SLC45A1: variants seen among roughly 807,000 people sequenced by gnomAD.
SLC45A1 encodes the protein solute carrier family 45 member 1, also known as proton-associated sugar transporter A.
Under a neutral mutation model 57.6 loss-of-function variants are expected in SLC45A1, and 28 were observed. The observed-to-expected ratio is 0.49, with a 90% CI of 0.36 to 0.67. The LOEUF (loss-of-function observed/expected upper bound fraction) is 0.67, where lower values mean the gene tolerates loss of function less well. Among genes scored for constraint, SLC45A1 ranks in the 30% least tolerant of loss-of-function variants. The probability of loss-of-function intolerance (pLI) is 0.00; values close to 1 mark genes in which losing one functional copy is unlikely to be tolerated. For synonymous variants in SLC45A1, 459 were observed against 471.5 expected (o/e 0.97, Z 0.34); for missense variants, 814 against 1,041.5 (o/e 0.78, Z 3.01).
In SLC45A1 at chr1:8,339,590, C is replaced by G. The variant is rs1640742217; in HGVS notation, c.1872C>G (p.Ser624=). 2 of 1,614,260 alleles carry G rather than the reference C, an allele frequency of 1.2e-6. No homozygotes were observed. The highest frequency in any genetic ancestry group is 8.5e-7 in the Non-Finnish European group (1 of 1,180,044). The change falls in exon 8 of 9, where the codon TCC becomes TCG. Residue 624 remains serine, a synonymous_variant. Coordinates refer to ENST00000471889, the MANE Select transcript of SLC45A1 (RefSeq NM_001080397.3). The part of the protein sequence containing the change: ...FGLGTGLATL[S]RNLYVVLSLC... ...TGGGGACCGGGCTTGCCACCCTCTC[C>G]AGGAACCTCTACGTGGTCCTGTCGC...
chr1:8,318,238 C>T (rs1016012878), intron 1 of SLC45A1, 52 bp downstream of exon 1: 6 of 413,120 alleles, frequency 1.5e-5, no homozygotes, highest in African/African-American at 1.0e-4. Flanking sequence ...CCGTGCCTGC[C>T]GGGGCGCCGC....
At chr1:8,339,860 C>T (rs780306447) in intron 8 of SLC45A1, among the ~76,000 whole-genome samples, 162 bp downstream of exon 8, 11 of 152,314 alleles carry the variant, frequency 7.2e-5, no homozygotes, top group East Asian at 1.9e-4. Context: ...GAGTCTGGGG[C>T]GTGCCCCCTG....
At chr1:8,322,533 A>G (rs149834301) in intron 1 of SLC45A1, among the ~76,000 whole-genome samples, 2,313 of 151,970 alleles carry the variant, frequency 0.015, 38 homozygotes, top group South Asian at 0.05. Context: ...AAGAAAGACA[A>G]TCTCTGAGTG....
At chr1:8,331,305 A>G (rs1323787659) in intron 5 of SLC45A1, among the ~76,000 whole-genome samples, 1 of 139,270 alleles carries the variant, frequency 7.2e-6, no homozygotes, top group Admixed American at 7.5e-5. Context: ...CTTTTAAAAA[A>G]TATTTTTAAA....
intron 8 of SLC45A1, among the ~76,000 whole-genome samples, chr1:8,340,017 G>T (rs529643526): frequency 6.6e-6 from 1 of 152,320 alleles, no homozygotes; most frequent in South Asian, 2.1e-4. Context: ...GTTGATGCCT[G>T]TCCCAGCCAT....
At chr1:8,336,292 C>G (rs1359292680) in intron 6 of SLC45A1, among the ~76,000 whole-genome samples, 1 of 152,012 alleles carries the variant, frequency 6.6e-6, no homozygotes, top group Non-Finnish European at 1.5e-5. Flanking sequence ...TGCCTGTAAT[C>G]CCAGCTACTT....
rs983217749 is a variant in SLC45A1, at chr1:8,325,879, C to T, written c.552C>T (p.Asp184=). 15 of 1,613,902 alleles carry T rather than the reference C, an allele frequency of 9.3e-6. No individual in the cohort carries two copies. The highest frequency in any genetic ancestry group is 6.7e-5 in the African/African-American group (5 of 74,938). Residue 184 remains aspartate, a synonymous_variant, in exon 4 of 9, where the codon GAC becomes GAT. Transcript: ENST00000471889. The surrounding 1 kb of genome is among the most constrained non-coding windows in gnomAD (Gnocchi z 6.3). Reference sequence around the variant, plus strand: ...GGGACATTGGCATCGCCCTGGCTGACGTGACCGGGAACCACAAGTGGGGCC... The same window carrying T: ...GGGACATTGGCATCGCCCTGGCTGATGTGACCGGGAACCACAAGTGGGGCC... ...NGRDIGIALA[D]VTGNHKWGLL...
Position 8,339,628 on chromosome 1 carries a change from A to G in SLC45A1, c.1910A>G (p.Tyr637Cys). The change falls in exon 8 of 9, where the codon TAC becomes TGC. Residue 637 changes from tyrosine (Y) to cysteine (C), a missense_variant. Tyr to Cys is a radical substitution (Grantham distance 194, BLOSUM62 -2). Coordinates refer to ENST00000471889, the MANE Select transcript of SLC45A1 (RefSeq NM_001080397.3). ...GTGGTCCTGTCGCTCTGCATAACCT[A>G]CGGGATTTTATTTTCCACCCTGTGC... ...LYVVLSLCIT[Y>C]GILFSTLCTL... The G allele has an allele frequency of 6.2e-7, 1 of 1,614,014 alleles. No homozygotes were observed. Among genetic ancestry groups the G allele is most frequent in the Middle Eastern group, 1.6e-4 (1 of 6,062 alleles).
rs1640204270 is a variant in SLC45A1 at position 8,326,368 on chromosome 1, T to C, written c.715+326T>C. 6.6e-6 allele frequency among the ~76,000 whole-genome samples: 1 copy of C among 152,158 alleles called. No homozygotes were observed. Among genetic ancestry groups the C allele is most frequent in the Non-Finnish European group, 1.5e-5 (1 of 68,028 alleles). On this transcript the variant is annotated intron_variant, in intron 4 of 8. Coordinates refer to ENST00000471889, the MANE Select transcript of SLC45A1 (RefSeq NM_001080397.3). This position sits in a 1 kb window ranked among gnomAD's most constrained non-coding sequence, Gnocchi z 5.5. ...CACCGCATCTCGCTCCTAGGAAAAA[T>C]ACAGGGTTAGGTTCCTGTGAGCCTC...
Position 8,337,878 on chromosome 1 carries a change from C to A in SLC45A1, c.1660C>A (p.Gln554Lys). The A allele has an allele frequency of 6.2e-7, 1 of 1,614,230 alleles. No homozygotes were observed. The highest frequency in any genetic ancestry group is 8.5e-7 in the Non-Finnish European group (1 of 1,180,044). ...AGACTTCATGGGCGAGGTGGTGTTT[C>A]AGGGGGACCCCAAGGCCCCGCACAC... Reference protein sequence around the residue: ...YTDFMGEVVFQGDPKAPHTSE... With the variant: ...YTDFMGEVVFKGDPKAPHTSE... Residue 554 changes from glutamine to lysine, a missense_variant, in exon 7 of 9, where the codon CAG becomes AAG. By Grantham distance (53) the Gln-to-Lys change is moderately conservative. Transcript: ENST00000471889.
In SLC45A1 at chr1:8,324,504, T is replaced by TGCCCCCC; in HGVS notation, c.175_176insGCCCCCC (p.Ser59CysfsTer15). On this transcript the variant is annotated frameshift_variant, in exon 2 of 9. Coordinates refer to ENST00000471889, the MANE Select transcript of SLC45A1 (RefSeq NM_001080397.3). LOFTEE classifies it high-confidence loss of function. ...CAAGAGGAGGAAGTGCATTCGTCCC[T>TGCCCCCC]CCCCACCCCCGCCCCCCAACACCCC... 6.5e-7 allele frequency: 1 copy of TGCCCCCC among 1,528,684 alleles called. No individual in the cohort carries two copies. The highest frequency in any genetic ancestry group is 1.1e-5 in the South Asian group (1 of 89,148). The allele number at this position is 1,528,684 out of a possible 1,614,324, so 94.7% of individuals were successfully genotyped here.
At position 8,324,468 on chromosome 1, in the gene SLC45A1, A is replaced by T. The variant is rs1557559092; in HGVS notation, c.139A>T (p.Lys47Ter). Reference sequence around the variant, plus strand: ...CCTCAGTCACCGGGCCAACAACTTCAAACGACACCCCAAGAGGAGGAAGTG... The same window carrying T: ...CCTCAGTCACCGGGCCAACAACTTCTAACGACACCCCAAGAGGAGGAAGTG... ...RHLSHRANNFKRHPKRRKCIR... is the reference protein window; with the variant it reads ...RHLSHRANNF Residue 47 changes from lysine to a stop codon, truncating the protein, a stop_gained, in exon 2 of 9, where the codon AAA becomes TAA. Coordinates refer to ENST00000471889, the MANE Select transcript of SLC45A1 (RefSeq NM_001080397.3). LOFTEE classifies it high-confidence loss of function. The T allele has an allele frequency of 6.2e-7, 1 of 1,612,602 alleles. No homozygotes were observed. Among genetic ancestry groups the T allele is most frequent in the East Asian group, 2.2e-5 (1 of 44,832 alleles).
chr1:8,320,311 C>T (rs1639962577), intron 1 of SLC45A1, among the ~76,000 whole-genome samples: 1 of 152,032 alleles, frequency 6.6e-6, no homozygotes, highest in South Asian at 2.1e-4. Context: ...CTACATAGTC[C>T]ACTTTAAATA....
Position 8,330,025 on chromosome 1 carries a change from G to A in SLC45A1, c.716-184G>A, listed in dbSNP as rs1640333333. ...AGGTGGCTGTGCAGGACAGGAGGGGGACCTCCTCAAGGGGCCCGCCCTGGG... is the reference window on the plus strand; with the variant it reads ...AGGTGGCTGTGCAGGACAGGAGGGGAACCTCCTCAAGGGGCCCGCCCTGGG... On this transcript the variant is annotated intron_variant, in intron 4 of 8. Transcript: ENST00000471889. The surrounding 1 kb of genome is among the most constrained non-coding windows in gnomAD (Gnocchi z 8.4). The A allele has an allele frequency of 2.9e-6, 2 of 694,378 alleles. No homozygotes were observed. Among genetic ancestry groups the A allele is most frequent in the East Asian group, 5.4e-5 (2 of 37,228 alleles). The allele number at this position is 694,378 out of a possible 1,614,324, so 43.0% of individuals were successfully genotyped here.
intron 1 of SLC45A1, among the ~76,000 whole-genome samples, chr1:8,322,214 G>A (rs1640043938): frequency 2.2e-5 from 3 of 133,702 alleles, no homozygotes; most frequent in Non-Finnish European, 4.8e-5. Context: ...TGGATGGATG[G>A]GTGGATGGAT....
At chr1:8,321,630 T>C (rs1341584878) in intron 1 of SLC45A1, among the ~76,000 whole-genome samples, 1 of 152,108 alleles carries the variant, frequency 6.6e-6, no homozygotes, top group African/African-American at 2.4e-5. Context: ...CTCAGATGAA[T>C]TGGAGGCTGG....
In SLC45A1 at chr1:8,330,686, C is replaced by T. The variant is rs373884958; in HGVS notation, c.1193C>T (p.Pro398Leu). The change falls in exon 5 of 9, where the codon CCG becomes CTG. Residue 398 changes from proline to leucine, a missense_variant. Pro to Leu is a moderately conservative substitution (Grantham distance 98). Transcript: ENST00000471889. The surrounding 1 kb of genome is among the most constrained non-coding windows in gnomAD (Gnocchi z 8.4). Reference sequence around the variant, plus strand: ...GCCATCCCTGGCAGCGTCCCCAGGCCGCCCATCAGCGTCAGCTTCCCCCGG... The same window carrying T: ...GCCATCCCTGGCAGCGTCCCCAGGCTGCCCATCAGCGTCAGCTTCCCCCGG... The part of the protein sequence containing the change: ...YLAIPGSVPR[P>L]PISVSFPRAP... 38 of 1,613,218 alleles carry T rather than the reference C, an allele frequency of 2.4e-5. No homozygotes were observed. The East Asian group carries it at 3.1e-4, about 13-fold the overall frequency.
Position 8,335,494 on chromosome 1 carries a change from G to A in SLC45A1, c.1501G>A (p.Glu501Lys), listed in dbSNP as rs1157066459. 13 of 1,602,446 alleles carry A rather than the reference G, an allele frequency of 8.1e-6. No individual in the cohort carries two copies. The highest frequency in any genetic ancestry group is 4.0e-5 in the African/African-American group (3 of 74,894). ...KYESELTGSS[E>K]RAEQPLSVGR... Reference sequence around the variant, plus strand: ...TGAGAGCGAGCTGACGGGCTCCAGCGAGCGCGCGGAGCAGCCTCTGTCCGT... The same window carrying A: ...TGAGAGCGAGCTGACGGGCTCCAGCAAGCGCGCGGAGCAGCCTCTGTCCGT... Residue 501 changes from glutamate (E) to lysine (K), a missense_variant, in exon 6 of 9, where the codon GAG becomes AAG. By Grantham distance (56) the Glu-to-Lys change is moderately conservative. Coordinates refer to ENST00000471889, the MANE Select transcript of SLC45A1 (RefSeq NM_001080397.3). This position sits in a 1 kb window ranked among gnomAD's most constrained non-coding sequence, Gnocchi z 4.1.
At chr1:8,340,941 C>A (rs2124327395) in intron 8 of SLC45A1, among the ~76,000 whole-genome samples, 1 of 151,992 alleles carries the variant, frequency 6.6e-6, no homozygotes, top group South Asian at 2.1e-4. Flanking sequence ...ACCTGTAGTC[C>A]CAGGTACTTA....
Sources: allele counts gnomAD v4.1 joint callset (sites outside exome capture counted in the v4.1 genomes callset), GRCh38; gene constraint gnomAD v4.1.1; non-coding constraint Gnocchi (gnomAD v3.1); transcripts MANE v1.5; gene names NCBI Gene and HGNC (gene_info 2026-07-23, HGNC 2026-07-21).